The following ADD1 variants were observed in gnomAD, a reference collection of about 807,000 sequenced individuals.
ADD1 encodes the protein adducin 1, also known as alpha-adducin.
ADD1 carries 24 observed loss-of-function variants against 80.5 expected under a neutral mutation model. The observed-to-expected ratio is 0.30, with a 90% CI of 0.22 to 0.42. The LOEUF is 0.42. Among genes scored for constraint, ADD1 ranks in the 10% least tolerant of loss-of-function variants. The pLI, the probability that ADD1 is intolerant of heterozygous loss-of-function variation, is 1.00. For synonymous variants in ADD1, 373 were observed against 393.8 expected, an observed-to-expected ratio of 0.95 and a Z score of 0.63; for missense variants, 948 against 1,019.0, an observed-to-expected ratio of 0.93 and a Z score of 0.95.
intron 1 of ADD1, among the ~76,000 whole-genome samples, chr4:2,863,685 G>A (rs1022496770): frequency 3.3e-5 from 5 of 151,952 alleles, no homozygotes; most frequent in African/African-American, 1.2e-4. Context: ...TGATTTTACT[G>A]TATCACTCAT....
chr4:2,905,994 A>G (rs1465345230), intron 10 of ADD1, among the ~76,000 whole-genome samples: 3 of 152,230 alleles, frequency 2.0e-5, no homozygotes, highest in African/African-American at 7.2e-5. Flanking sequence ...GGGCTGAAGC[A>G]GACTCATCTG....
At chr4:2,906,219 C>T (rs1048313) in intron 10 of ADD1, among the ~76,000 whole-genome samples, 11 of 152,220 alleles carry the variant, frequency 7.2e-5, no homozygotes, top group East Asian at 3.8e-4. Context: ...TGAGCGGCCG[C>T]GTCACCTGGG....
intron 1 of ADD1, among the ~76,000 whole-genome samples, chr4:2,867,495 C>G (rs180982645): frequency 6.6e-6 from 1 of 152,314 alleles, no homozygotes; most frequent in Non-Finnish European, 1.5e-5. Flanking sequence ...GTCTTAATTT[C>G]AGATTCTTGC....
At position 2,884,631 on chromosome 4, in the gene ADD1, T is replaced by C; in HGVS notation, c.475T>C (p.Phe159Leu). The part of the protein sequence containing the change: ...LAAFYRLADL[F>L]GWSQLIYNHI... ...AGCGTTTTATAGACTAGCAGATCTC[T>C]TTGGGTGGTCTCAGCTTATCTACAA... The change falls in exon 4 of 16, where the codon TTT becomes CTT. Residue 159 changes from phenylalanine to leucine, a missense_variant. Coordinates refer to ENST00000683351, the MANE Select transcript of ADD1 (RefSeq NM_001354761.2). The C allele has an allele frequency of 6.2e-7, 1 of 1,611,330 alleles. No homozygotes were observed. Among genetic ancestry groups the C allele is most frequent in the Non-Finnish European group, 8.5e-7 (1 of 1,178,330 alleles).
At chr4:2,881,608 G>T in intron 2 of ADD1, 1 of 254,212 alleles carries the variant, frequency 3.9e-6, no homozygotes. Context: ...CAATAATACT[G>T]GAATGAACAT....
rs1471917124 is a variant in ADD1, at chr4:2,926,091, A to G, written c.2026A>G (p.Thr676Ala). The G allele has an allele frequency of 1.1e-5, 17 of 1,613,856 alleles. No individual in the cohort carries two copies. The highest frequency in any genetic ancestry group is 1.7e-5 in the Admixed American group (1 of 59,988). ...TGCGGTCCCCCACCCGCCTCCCAGC[A>G]CTCCCATCAAGCTGGAGGAAGGTGA... ...QPAVPHPPPS[T>A]PIKLEEDLVP... is the part of the protein sequence containing the mutation. Residue 676 changes from threonine to alanine, a missense_variant, in exon 15 of 16, where the codon ACT (threonine) becomes GCT (alanine). Thr to Ala is a moderately conservative substitution (Grantham distance 58). Coordinates refer to ENST00000683351, the MANE Select transcript of ADD1 (RefSeq NM_001354761.2). The surrounding 1 kb of genome is among the most constrained non-coding windows in gnomAD (Gnocchi z 5.0).
Position 2,898,551 on chromosome 4 carries a change from G to A in ADD1, c.984+20G>A, listed in dbSNP as rs1380757313. ...ATCCAGGTAGGGGACAGCCATTCCA[G>A]TCACTCTGCAGTTTATTTAGATGTG... On this transcript the variant is annotated intron_variant, in intron 8 of 15. Transcript: ENST00000683351. 1 of 1,600,216 alleles carries A rather than the reference G, an allele frequency of 6.2e-7. No individual in the cohort carries two copies. Among genetic ancestry groups the A allele is most frequent in the African/African-American group, 1.3e-5 (1 of 74,590 alleles).
At chr4:2,895,182 G>C (rs1734990998) in intron 6 of ADD1, among the ~76,000 whole-genome samples, 1 of 152,086 alleles carries the variant, frequency 6.6e-6, no homozygotes, top group South Asian at 2.1e-4. Context: ...TTTGAGCCAA[G>C]GATGTTGAGG....
chr4:2,908,770 T>C, intron 12 of ADD1, 166 bp downstream of exon 12: 1 of 648,702 alleles, frequency 1.5e-6, no homozygotes, highest in Non-Finnish European at 2.7e-6. Flanking sequence ...CACTTTTCGT[T>C]GAGTTCTAGA....
At chr4:2,918,603 G>C (rs1448151585) in intron 14 of ADD1, among the ~76,000 whole-genome samples, 1 of 152,150 alleles carries the variant, frequency 6.6e-6, no homozygotes, top group African/African-American at 2.4e-5. Context: ...GTTTTCAAAG[G>C]GAATGCTTCC....
intron 1 of ADD1, among the ~76,000 whole-genome samples, chr4:2,850,680 C>A (rs1267023671): frequency 6.6e-6 from 1 of 152,202 alleles, no homozygotes; most frequent in Non-Finnish European, 1.5e-5. Flanking sequence ...CCGCCTCGGC[C>A]TCCCAAAGTG....
At position 2,898,456 on chromosome 4, in the gene ADD1, G is replaced by A. The variant is rs926837565; in HGVS notation, c.909G>A (p.Gly303=). The change falls in exon 8 of 16, where the codon GGG becomes GGA. Residue 303 remains glycine, a synonymous_variant. Transcript: ENST00000683351. ...KSKVLILRNH[G]LVSVGESVEE... ...AGGTTCTTATTCTCCGGAACCATGG[G>A]CTCGTGTCAGTTGGAGAGAGCGTTG... The A allele has an allele frequency of 1.5e-5, 25 of 1,614,192 alleles. No individual in the cohort carries two copies. In the South Asian group the frequency reaches 2.5e-4, roughly 16 times the overall value.
intron 14 of ADD1, among the ~76,000 whole-genome samples, chr4:2,921,042 ATCTC>A (rs1371065823): frequency 6.6e-6 from 1 of 151,916 alleles, no homozygotes; most frequent in South Asian, 2.1e-4. Context: ...TGGTGAGAAA[ATCTC>A]TCAGCATTTG....
intron 4 of ADD1, among the ~76,000 whole-genome samples, chr4:2,885,015 AT>A (rs1733021036): frequency 6.6e-6 from 1 of 152,172 alleles, no homozygotes; most frequent in African/African-American, 2.4e-5. Context: ...TCTCAAACTT[AT>A]TTCTTCAGCT....
chr4:2,846,994 G>A (rs969707418), intron 1 of ADD1, among the ~76,000 whole-genome samples: 1 of 152,094 alleles, frequency 6.6e-6, no homozygotes, highest in Admixed American at 6.5e-5. Context: ...GCGGATGCCT[G>A]TAGTCCCAGC....
chr4:2,863,197 C>T (rs1012193816), intron 1 of ADD1, among the ~76,000 whole-genome samples: 1 of 151,470 alleles, frequency 6.6e-6, no homozygotes, highest in African/African-American at 2.4e-5. Flanking sequence ...AGGTGCATGC[C>T]ACCACGCCCA....
chr4:2,885,586 C>G (rs1733124551), intron 4 of ADD1, among the ~76,000 whole-genome samples: 1 of 151,928 alleles, frequency 6.6e-6, no homozygotes, highest in Non-Finnish European at 1.5e-5. Flanking sequence ...CTTTGCTCAC[C>G]TGGCTTGGAA....
At chr4:2,861,685 A>G (rs996504898) in intron 1 of ADD1, among the ~76,000 whole-genome samples, 1 of 152,128 alleles carries the variant, frequency 6.6e-6, no homozygotes, top group East Asian at 1.9e-4. Context: ...CTCCATTCCT[A>G]GAGATTCAGA....
intron 4 of ADD1, among the ~76,000 whole-genome samples, chr4:2,885,898 C>T (rs1053253050): frequency 1.3e-5 from 2 of 152,060 alleles, no homozygotes; most frequent in African/African-American, 2.4e-5. Flanking sequence ...GCGTGAGCCA[C>T]CCTGCCCGGC....
Sources: allele counts gnomAD v4.1 joint callset (sites outside exome capture counted in the v4.1 genomes callset), GRCh38; gene constraint gnomAD v4.1.1; non-coding constraint Gnocchi (gnomAD v3.1); transcripts MANE v1.5; gene names NCBI Gene and HGNC (gene_info 2026-07-23, HGNC 2026-07-21).